Variants in IGSF21 observed in about 807,000 individuals in gnomAD.
IGSF21 encodes the protein immunoglobulin superfamily member 21.
A neutral mutation model predicts 46.8 loss-of-function variants in IGSF21; 28 were observed. The ratio of observed to expected loss-of-function variants is 0.60; its 90% CI spans 0.44 to 0.82. IGSF21 has a LOEUF of 0.82. Among genes scored for constraint, IGSF21 ranks in the 40% least tolerant of loss-of-function variants. The pLI is 0.00. For missense variants in IGSF21, 624 were observed against 665.5 expected, an observed-to-expected ratio of 0.94 and a Z score of 0.69; for synonymous variants, 284 against 273.6, an observed-to-expected ratio of 1.04 and a Z score of -0.38.
At chr1:18,208,467 C>T (rs1438296593) in intron 1 of IGSF21, among the ~76,000 whole-genome samples, 10 of 144,210 alleles carry the variant, frequency 6.9e-5, no homozygotes, top group Non-Finnish European at 1.4e-4. Context: ...CTGCAAGTTC[C>T]GCCTCCCGGG....
chr1:18,350,177 A>G (rs550067301), intron 4 of IGSF21, among the ~76,000 whole-genome samples: 1 of 152,316 alleles, frequency 6.6e-6, no homozygotes, highest in East Asian at 1.9e-4. Flanking sequence ...AGAGACCCTG[A>G]ATCCAGTGCC....
intron 1 of IGSF21, among the ~76,000 whole-genome samples, chr1:18,215,502 G>A (rs1187127080): frequency 6.6e-6 from 1 of 152,208 alleles, no homozygotes; most frequent in Admixed American, 6.5e-5. Context: ...AAGCTGGAGT[G>A]TACATCAGGA....
intron 1 of IGSF21, among the ~76,000 whole-genome samples, chr1:18,165,164 A>G (rs1004212604): frequency 6.6e-6 from 1 of 152,070 alleles, no homozygotes; most frequent in Non-Finnish European, 1.5e-5. Flanking sequence ...AACATTCATA[A>G]TAGGAGTCTG....
At chr1:18,150,931 A>C (rs1463395033) in intron 1 of IGSF21, among the ~76,000 whole-genome samples, 1 of 152,176 alleles carries the variant, frequency 6.6e-6, no homozygotes, top group Non-Finnish European at 1.5e-5. Flanking sequence ...CCATTACCAC[A>C]TCAGCCTCCC....
chr1:18,343,637 G>A (rs1474983464), intron 4 of IGSF21, among the ~76,000 whole-genome samples: 1 of 152,064 alleles, frequency 6.6e-6, no homozygotes, highest in Non-Finnish European at 1.5e-5. Flanking sequence ...GTGAGGGAGG[G>A]GTCCAACTTC....
At chr1:18,241,549 T>C (rs1269144059) in intron 2 of IGSF21, among the ~76,000 whole-genome samples, 2 of 152,172 alleles carry the variant, frequency 1.3e-5, no homozygotes, top group African/African-American at 4.8e-5. Context: ...TTAGGTCCCA[T>C]TGAAGGCCAT....
chr1:18,354,410 A>G (rs962349270), intron 4 of IGSF21, among the ~76,000 whole-genome samples: 1 of 150,102 alleles, frequency 6.7e-6, no homozygotes, highest in Non-Finnish European at 1.5e-5. Context: ...GAACCAAAAG[A>G]AAAAAAAAAG....
chr1:18,192,939 G>C (rs1327134176), intron 1 of IGSF21, among the ~76,000 whole-genome samples: 1 of 152,038 alleles, frequency 6.6e-6, no homozygotes, highest in Non-Finnish European at 1.5e-5. Context: ...TGCAGCCCTG[G>C]CGCTGAGGAT....
At chr1:18,359,461 AG>A (rs1491376697) in intron 4 of IGSF21, among the ~76,000 whole-genome samples, 2 of 124,416 alleles carry the variant, frequency 1.6e-5, no homozygotes, top group African/African-American at 6.2e-5. Flanking sequence ...AAAGAAAGAA[AG>A]GGAAGGAAGG....
At chr1:18,239,753 C>A (rs1338655307) in intron 2 of IGSF21, among the ~76,000 whole-genome samples, 1 of 151,770 alleles carries the variant, frequency 6.6e-6, no homozygotes, top group Non-Finnish European at 1.5e-5. Flanking sequence ...TTCAGTGTTG[C>A]CCCCCCTCCC....
chr1:18,192,823 A>G (rs905664012), intron 1 of IGSF21, among the ~76,000 whole-genome samples: 2 of 152,168 alleles, frequency 1.3e-5, no homozygotes, highest in Non-Finnish European at 2.9e-5. Flanking sequence ...TGTGAGAATT[A>G]AACAAGAAAA....
At chr1:18,142,590 C>G (rs2086424270) in intron 1 of IGSF21, among the ~76,000 whole-genome samples, 1 of 152,208 alleles carries the variant, frequency 6.6e-6, no homozygotes, top group Non-Finnish European at 1.5e-5. Context: ...ATCCACCCAA[C>G]CAGGCCTCAG....
intron 1 of IGSF21, among the ~76,000 whole-genome samples, chr1:18,117,396 T>C (rs190482543): frequency 1.1e-3 from 167 of 152,326 alleles, no homozygotes; most frequent in Middle Eastern, 0.01. Flanking sequence ...GAGAAGCTTC[T>C]AGATCTCCAA....
chr1:18,241,992 G>A (rs966361949), intron 2 of IGSF21, among the ~76,000 whole-genome samples: 2 of 152,214 alleles, frequency 1.3e-5, no homozygotes, highest in Non-Finnish European at 2.9e-5. Context: ...CCTCCGTGGG[G>A]GAGAGATGGA....
intron 4 of IGSF21, among the ~76,000 whole-genome samples, chr1:18,356,908 A>G (rs1431380639): frequency 6.6e-6 from 1 of 151,542 alleles, no homozygotes; most frequent in Admixed American, 6.6e-5. Context: ...GACAGAAATG[A>G]GGAGAGAATA....
intron 1 of IGSF21, among the ~76,000 whole-genome samples, chr1:18,214,670 T>C (rs1020896473): frequency 3.9e-5 from 6 of 152,134 alleles, no homozygotes; most frequent in Non-Finnish European, 7.4e-5. Flanking sequence ...GGAAGCAACG[T>C]ATATCTTACA....
chr1:18,273,395 C>CTTTCCTTTCCTTTCCTTTCT (rs1557618221), intron 2 of IGSF21, among the ~76,000 whole-genome samples: 1 of 136,592 alleles, frequency 7.3e-6, no homozygotes, highest in Non-Finnish European at 1.6e-5. Context: ...CTTTCCTTTC[C>CTTTCCTTTCCTTTCCTTTCT]TTTCCTTTCC....
At chr1:18,272,113 G>A (rs980407412) in intron 2 of IGSF21, among the ~76,000 whole-genome samples, 2 of 152,280 alleles carry the variant, frequency 1.3e-5, no homozygotes, top group South Asian at 4.1e-4. Context: ...AAGGTGAAAG[G>A]CAAGTCTTCC....
At chr1:18,170,741 C>A (rs74055927) in intron 1 of IGSF21, among the ~76,000 whole-genome samples, 2 of 152,080 alleles carry the variant, frequency 1.3e-5, no homozygotes, top group South Asian at 4.2e-4. Flanking sequence ...ACTGCTATCC[C>A]GGTTCTGATG....
Sources: allele counts gnomAD v4.1 joint callset (sites outside exome capture counted in the v4.1 genomes callset), GRCh38; gene constraint gnomAD v4.1.1; transcripts MANE v1.5; gene names NCBI Gene and HGNC (gene_info 2026-07-23, HGNC 2026-07-21).